XIAP: variants seen among roughly 807,000 people sequenced by gnomAD.
XIAP encodes the protein X-linked inhibitor of apoptosis, also known as E3 ubiquitin-protein ligase XIAP.
In XIAP, 3 loss-of-function variants were observed where a neutral mutation model predicts 33.1. The observed-to-expected ratio is 0.09, with a 90% CI of 0.04 to 0.23. XIAP has a LOEUF of 0.23. Among genes scored for constraint, XIAP ranks in the 10% least tolerant of loss-of-function variants. XIAP has a pLI of 1.00. For synonymous variants in XIAP, 98 were observed against 121.3 expected (o/e 0.81, Z 1.26); for missense variants, 264 against 363.0 (o/e 0.73, Z 2.22).
intron 2 of XIAP, among the ~76,000 whole-genome samples, chrX:123,887,398 G>T (rs1049739567): frequency 8.9e-6 from 1 of 112,441 alleles, no homozygotes; most frequent in Admixed American, 9.5e-5. Flanking sequence ...AGGGCCATTG[G>T]AGTGATTGCT....
rs1228745501 is a variant in XIAP at position 123,913,431 on chromosome X, C to T, written c.*6250C>T. On this transcript the variant is annotated 3_prime_UTR_variant, in exon 7 of 7. Transcript: ENST00000371199. ...GTTGCAGGGAGCCAAGATGGCGCCA[C>T]CGCACTCCAGCCTAGGTGATAGAGT... The T allele has an allele frequency of 3.0e-6, 1 of 328,538 alleles. No individual in the cohort carries two copies. Among genetic ancestry groups the T allele is most frequent in the East Asian group, 9.7e-5 (1 of 10,286 alleles). 27.1% of individuals were successfully genotyped at this position (328,538 alleles called of 1,213,427 possible).
At chrX:123,876,113 A>G (rs1001041898) in intron 1 of XIAP, among the ~76,000 whole-genome samples, 1 of 111,635 alleles carries the variant, frequency 9.0e-6, no homozygotes, top group Non-Finnish European at 1.9e-5. Context: ...TCCTTGGCCT[A>G]CATTGCCCAG....
Position 123,911,528 on chromosome X carries a change from G to A in XIAP, c.*4347G>A, listed in dbSNP as rs1241194794. The A allele has an allele frequency of 3.2e-6, 1 of 315,698 alleles. No individual in the cohort carries two copies. The highest frequency in any genetic ancestry group is 6.0e-6 in the Non-Finnish European group (1 of 166,390). The allele number at this position is 315,698 out of a possible 1,213,427, so 26.0% of individuals were successfully genotyped here. On this transcript the variant is annotated 3_prime_UTR_variant, in exon 7 of 7. Coordinates refer to ENST00000371199, the MANE Select transcript of XIAP (RefSeq NM_001167.4). ...AATAAATAAATAGGTCAATACAAAT[G>A]TTAGCCAGGCGTGGTGGCACATGCC...
chrX:123,901,872 G>A (rs1242545498), intron 6 of XIAP, among the ~76,000 whole-genome samples: 12 of 109,346 alleles, frequency 1.1e-4, no homozygotes, highest in Admixed American at 1.1e-3. Flanking sequence ...TCACTCTGTC[G>A]CCCAGGCTGG....
chrX:123,897,453 G>A (rs1366382923), intron 5 of XIAP, among the ~76,000 whole-genome samples: 2 of 111,684 alleles, frequency 1.8e-5, no homozygotes, highest in African/African-American at 3.3e-5. Flanking sequence ...CGTCCTTTTT[G>A]TTTTTAGCAA....
intron 6 of XIAP, among the ~76,000 whole-genome samples, chrX:123,901,991 C>A (rs2053518234): frequency 9.0e-6 from 1 of 111,567 alleles, no homozygotes; most frequent in South Asian, 3.8e-4. Context: ...TGCCACCACG[C>A]CCGGCTAATT....
chrX:123,913,231 C>T lies in XIAP; in HGVS notation c.*6050C>T, dbSNP rs1409590731. ...TCACGCCTGTAATCCCAGCAGTTTC[C>T]GAGGCTGAGGCAGGCGGCTCACCTG... On this transcript the variant is annotated 3_prime_UTR_variant, in exon 7 of 7. Coordinates refer to ENST00000371199, the MANE Select transcript of XIAP (RefSeq NM_001167.4). 1.8e-5 allele frequency: 6 copies of T among 326,421 alleles called. No individual in the cohort carries two copies. The highest frequency in any genetic ancestry group is 3.0e-5 in the Non-Finnish European group (5 of 169,379). The allele number at this position is 326,421 out of a possible 1,213,427, so 26.9% of individuals were successfully genotyped here.
Position 123,911,700 on chromosome X carries a change from A to G in XIAP, c.*4519A>G. ...CTCTAAATAAATAGGTCAAACCCTT[A>G]AAAATATTTAAATTCTTAAAAAATT... On this transcript the variant is annotated 3_prime_UTR_variant, in exon 7 of 7. Transcript: ENST00000371199. The G allele has an allele frequency of 3.0e-6, 1 of 328,308 alleles. No individual in the cohort carries two copies. Among genetic ancestry groups the G allele is most frequent in the Non-Finnish European group, 5.9e-6 (1 of 169,803 alleles). 27.1% of individuals were successfully genotyped at this position (328,308 alleles called of 1,213,427 possible). A position where few individuals can be genotyped will look rare whatever the true frequency, so the allele number is the denominator to read the frequency against.
Position 123,909,487 on chromosome X carries a change from CTTTAAA to C in XIAP, c.*2313_*2318del, listed in dbSNP as rs777598929. The C allele has an allele frequency of 8.0e-5, 26 of 325,375 alleles. 1 individual carries two copies. The highest frequency in any genetic ancestry group is 3.2e-4 in the Admixed American group (10 of 31,369). The allele number at this position is 325,375 out of a possible 1,213,427, so 26.8% of individuals were successfully genotyped here. On this transcript the variant is annotated 3_prime_UTR_variant, in exon 7 of 7. Coordinates refer to ENST00000371199, the MANE Select transcript of XIAP (RefSeq NM_001167.4). Reference sequence around the variant, plus strand: ...TTGAATTTGGTCTGTATAGTCTAGACTTTAAATTTAAAGTTTTCTACAAGGGGAGAA... The same window carrying C: ...TTGAATTTGGTCTGTATAGTCTAGACTTTAAAGTTTTCTACAAGGGGAGAA...
At chrX:123,900,757 C>T (rs2053508374) in intron 6 of XIAP, 64 bp downstream of exon 6, 4 of 1,058,935 alleles carry the variant, frequency 3.8e-6, no homozygotes, top group Non-Finnish European at 5.3e-6. Context: ...CCTGTAATCC[C>T]AGCACTTTGG....
rs772401875 is a variant in XIAP, at chrX:123,910,335, TTTG to T, written c.*3160_*3162del. On this transcript the variant is annotated 3_prime_UTR_variant, in exon 7 of 7. Transcript: ENST00000371199. ...CTGTGTATTATGATATTTTGTTATT[TTTG>T]TTGTTATATTATTTACATTTCAGTA... The T allele has an allele frequency of 6.1e-6, 2 of 327,633 alleles. No individual in the cohort carries two copies. The highest frequency in any genetic ancestry group is 1.9e-4 in the East Asian group (2 of 10,262). The allele number at this position is 327,633 out of a possible 1,213,427, so 27.0% of individuals were successfully genotyped here.
intron 1 of XIAP, among the ~76,000 whole-genome samples, chrX:123,883,441 A>G (rs1181526747): frequency 9.6e-6 from 1 of 104,636 alleles, no homozygotes; most frequent in Non-Finnish European, 2.0e-5. Flanking sequence ...TCCCTATTAA[A>G]TTTTATCTCA....
intron 1 of XIAP, among the ~76,000 whole-genome samples, chrX:123,866,545 TATA>T (rs144355164): frequency 0.39 from 38,727 of 99,385 alleles, 6,300 homozygotes; most frequent in African/African-American, 0.52. Flanking sequence ...ATAATATGTA[TATA>T]ATAATGTATG....
chrX:123,875,754 C>T (rs912232066), intron 1 of XIAP, among the ~76,000 whole-genome samples: 1 of 109,617 alleles, frequency 9.1e-6, no homozygotes. Flanking sequence ...GGCACCATCT[C>T]GGTTCACTGC....
intron 1 of XIAP, among the ~76,000 whole-genome samples, chrX:123,884,185 T>C (rs747600643): frequency 8.9e-6 from 1 of 111,932 alleles, no homozygotes; most frequent in Admixed American, 9.6e-5. Flanking sequence ...CTAATTCTTC[T>C]CAAGAAATCA....
At chrX:123,901,768 A>G (rs1015461801) in intron 6 of XIAP, among the ~76,000 whole-genome samples, 14 of 110,824 alleles carry the variant, frequency 1.3e-4, no homozygotes, top group African/African-American at 4.6e-4. Flanking sequence ...TAAAACTTAC[A>G]CAAGCTCCAC....
In XIAP at chrX:123,910,160, G is replaced by C. The variant is rs933158896; in HGVS notation, c.*2979G>C. 3.7e-5 allele frequency: 12 copies of C among 325,766 alleles called. No individual in the cohort carries two copies. Among genetic ancestry groups the C allele is most frequent in the Non-Finnish European group, 5.3e-5 (9 of 168,937 alleles). The allele number at this position is 325,766 out of a possible 1,213,427, so 26.8% of individuals were successfully genotyped here. ...GCATTGTCTTAATTTTTGAGAACTG[G>C]TTTTAGCATTTACAAACTAAATTCC... On this transcript the variant is annotated 3_prime_UTR_variant, in exon 7 of 7. Coordinates refer to ENST00000371199, the MANE Select transcript of XIAP (RefSeq NM_001167.4).
At chrX:123,887,262 C>A (rs2053360941) in intron 2 of XIAP, among the ~76,000 whole-genome samples, 1 of 111,048 alleles carries the variant, frequency 9.0e-6, no homozygotes, top group Non-Finnish European at 1.9e-5. Flanking sequence ...CATGGCCAGG[C>A]TGGTCTCGAA....
rs1569480807 is a variant in XIAP at position 123,913,426 on chromosome X, C to CAT, written c.*6245_*6246insAT. 1 of 327,010 alleles carries CAT rather than the reference C, an allele frequency of 3.1e-6. No homozygotes were observed. Among genetic ancestry groups the CAT allele is most frequent in the East Asian group, 9.7e-5 (1 of 10,277 alleles). The allele number at this position is 327,010 out of a possible 1,213,427, so 26.9% of individuals were successfully genotyped here. On this transcript the variant is annotated 3_prime_UTR_variant, in exon 7 of 7. Transcript: ENST00000371199. ...CGGAGGTTGCAGGGAGCCAAGATGGCGCCACCGCACTCCAGCCTAGGTGAT... is the reference window on the plus strand; with the variant it reads ...CGGAGGTTGCAGGGAGCCAAGATGGCATGCCACCGCACTCCAGCCTAGGTGAT...
Sources: gnomAD v4.1 joint callset for allele counts (sites outside exome capture counted in the v4.1 genomes callset) on GRCh38, gnomAD v4.1.1 for gene constraint, MANE v1.5 for transcripts, NCBI Gene and HGNC (gene_info 2026-07-23, HGNC 2026-07-21) for gene names.